LARP1B: variants seen among roughly 807,000 people sequenced by gnomAD.
LARP1B encodes the protein La ribonucleoprotein 1B, also known as la-related protein 1B.
A neutral mutation model predicts 114.2 loss-of-function variants in LARP1B; 76 were observed. The observed-to-expected ratio is 0.67, with a 90% CI of 0.55 to 0.81. The LOEUF is 0.81. Among genes scored for constraint, LARP1B ranks in the 30% least tolerant of loss-of-function variants. LARP1B has a pLI of 0.00. For missense variants in LARP1B, 1,014 were observed against 1,075.8 expected, an observed-to-expected ratio of 0.94 and a Z score of 0.80; for synonymous variants, 345 against 348.0, an observed-to-expected ratio of 0.99 and a Z score of 0.10.
chr4:128,183,911 A>T (rs191637917), intron 15 of LARP1B, among the ~76,000 whole-genome samples: 24 of 152,328 alleles, frequency 1.6e-4, no homozygotes, highest in Admixed American at 1.6e-3. Flanking sequence ...TGGAGGATTT[A>T]ATTACAGATG....
At chr4:128,180,025 C>CT (rs1747805371) in intron 15 of LARP1B, among the ~76,000 whole-genome samples, 1 of 152,008 alleles carries the variant, frequency 6.6e-6, no homozygotes, top group African/African-American at 2.4e-5. Context: ...GAGCAAATCT[C>CT]TTAGAGTGCC....
chr4:128,103,934 G>A (rs531009138), intron 8 of LARP1B, among the ~76,000 whole-genome samples: 4 of 151,298 alleles, frequency 2.6e-5, no homozygotes, highest in Non-Finnish European at 5.9e-5. Flanking sequence ...AGAACTTTGA[G>A]CTTTTCATCC....
At position 128,114,671 on chromosome 4, in the gene LARP1B, T is replaced by C. The variant is rs202157052; in HGVS notation, c.1090T>C (p.Leu364=). 3 of 1,614,100 alleles carry C rather than the reference T, an allele frequency of 1.9e-6. No homozygotes were observed. The highest frequency in any genetic ancestry group is 2.5e-6 in the Non-Finnish European group (3 of 1,179,976). ...QAMSRGLSTS[L]PDLDSEPWIE... is the part of the protein sequence containing the mutation. ...AATGTCTAGAGGTTTGTCTACCAGT[T>C]TGCCTGACTTGGACTCAGAACCTTG... The change falls in exon 10 of 20, where the codon TTG becomes CTG. Residue 364 remains leucine (L), a synonymous_variant. Coordinates refer to ENST00000326639, the MANE Select transcript of LARP1B (RefSeq NM_018078.4).
Position 128,069,666 on chromosome 4 carries a change from A to G in LARP1B, c.-77-4794A>G. 11 of 528,884 alleles carry G rather than the reference A, an allele frequency of 2.1e-5. No individual in the cohort carries two copies. The South Asian group carries it at 2.4e-4, about 11-fold the overall frequency. 32.8% of individuals were successfully genotyped at this position (528,884 alleles called of 1,614,324 possible). A position where few individuals can be genotyped will look rare whatever the true frequency, so the allele number is the denominator to read the frequency against. Reference sequence around the variant, plus strand: ...CAGAAGGGGCACGGATTCTTTTATTAAAATCACAATATGGGTTTATTAATC... The same window carrying G: ...CAGAAGGGGCACGGATTCTTTTATTGAAATCACAATATGGGTTTATTAATC... On this transcript the variant is annotated intron_variant, in intron 1 of 19. Coordinates refer to ENST00000326639, the MANE Select transcript of LARP1B (RefSeq NM_018078.4).
intron 8 of LARP1B, among the ~76,000 whole-genome samples, chr4:128,101,202 G>A (rs1468015520): frequency 4.0e-5 from 6 of 151,676 alleles, no homozygotes; most frequent in East Asian, 3.9e-4. Flanking sequence ...GGCTGGGCGC[G>A]GTGGCTCATG....
In LARP1B at chr4:128,167,005, T is replaced by C. The variant is rs1457201248; in HGVS notation, c.1648+4688T>C. Among the ~76,000 whole-genome samples the C allele has an allele frequency of 4.2e-4, 59 of 140,526 alleles. 1 individual carries two copies. Among genetic ancestry groups the C allele is most frequent in the East Asian group, 1.3e-3 (6 of 4,668 alleles). 92.2% of individuals were successfully genotyped at this position (140,526 alleles called of 152,430 possible). A position where few individuals can be genotyped will look rare whatever the true frequency, so the allele number is the denominator to read the frequency against. ...ATATATATATATATACACACACACA[T>C]ATATATACATATATACATACACACG... On this transcript the variant is annotated intron_variant, in intron 12 of 19. Transcript: ENST00000326639.
Position 128,098,747 on chromosome 4 carries a change from G to GTGTGTGTATATATATATATATATATATA in LARP1B, c.813+418_813+419insGTGTGTATATATATATATATATATATAT. Among the ~76,000 whole-genome samples, 52 of 15,582 alleles carry GTGTGTGTATATATATATATATATATATA rather than the reference G, an allele frequency of 3.3e-3. 9 individuals are homozygous for GTGTGTGTATATATATATATATATATATA. Among genetic ancestry groups the GTGTGTGTATATATATATATATATATATA allele is most frequent in the Non-Finnish European group, 5.7e-3 (44 of 7,730 alleles). 10.2% of individuals were successfully genotyped at this position (15,582 alleles called of 152,430 possible). A position where few individuals can be genotyped will look rare whatever the true frequency, so the allele number is the denominator to read the frequency against. On this transcript the variant is annotated intron_variant, in intron 8 of 19. Transcript: ENST00000326639. Reference sequence around the variant, plus strand: ...AGCATGTGTTCCTGTATATGTATGTGTATATATATATATATATATATTTTT... The same window carrying GTGTGTGTATATATATATATATATATATA: ...AGCATGTGTTCCTGTATATGTATGTGTGTGTGTATATATATATATATATATATATATATATATATATATATATATTTTT...
intron 11 of LARP1B, among the ~76,000 whole-genome samples, chr4:128,160,305 G>A (rs4493552): frequency 0.43 from 66,126 of 152,040 alleles, 15,683 homozygotes; most frequent in East Asian, 0.61. Context: ...AAGAAACCAT[G>A]TGGTGTAATT....
chr4:128,201,441 T>TAAGCACATATCTAAGCAGTTC (rs1238092680), intron 17 of LARP1B, among the ~76,000 whole-genome samples: 2 of 152,232 alleles, frequency 1.3e-5, no homozygotes, highest in African/African-American at 4.8e-5. Context: ...AACCCAGTTC[T>TAAGCACATATCTAAGCAGTTC]TAAGATTCTT....
At chr4:128,175,576 A>G (rs1745506126) in intron 12 of LARP1B, among the ~76,000 whole-genome samples, 1 of 152,178 alleles carries the variant, frequency 6.6e-6, no homozygotes, top group Non-Finnish European at 1.5e-5. Flanking sequence ...CAACCTTTAC[A>G]GACAAGGAAG....
chr4:128,123,457 TC>T, intron 11 of LARP1B: 1 of 850,484 alleles, frequency 1.2e-6, no homozygotes, highest in Non-Finnish European at 1.4e-6. Flanking sequence ...AAATTATCCT[TC>T]CCCCATTCTC....
intron 15 of LARP1B, among the ~76,000 whole-genome samples, chr4:128,189,206 C>T: frequency 6.8e-6 from 1 of 147,382 alleles, no homozygotes; most frequent in Non-Finnish European, 1.5e-5. Context: ...TAAATTGTTA[C>T]AGCCTCTTGC....
At chr4:128,108,516 T>A in intron 9 of LARP1B, 1 of 985,800 alleles carries the variant, frequency 1.0e-6, no homozygotes, top group Non-Finnish European at 1.2e-6. Flanking sequence ...GGACGTCCCA[T>A]CAACAAAGCA....
intron 11 of LARP1B, among the ~76,000 whole-genome samples, chr4:128,132,389 C>A (rs1252010511): frequency 6.6e-6 from 1 of 151,964 alleles, no homozygotes; most frequent in Non-Finnish European, 1.5e-5. Context: ...GGATTACAGG[C>A]ACGCCCCACC....
chr4:128,149,415 G>A (rs1463016022), intron 11 of LARP1B, among the ~76,000 whole-genome samples: 1 of 126,304 alleles, frequency 7.9e-6, no homozygotes, highest in Non-Finnish European at 1.6e-5. Context: ...GGGGAGGACA[G>A]AAGTTGAGTT....
intron 15 of LARP1B, 67 bp downstream of exon 15, chr4:128,179,579 T>G: frequency 1.0e-6 from 1 of 958,270 alleles, no homozygotes; most frequent in Non-Finnish European, 1.6e-6. Context: ...AGTTACTAAT[T>G]GGATATTTCA....
chr4:128,107,605 T>G lies in LARP1B; in HGVS notation c.988+292T>G, dbSNP rs945629238. 2.5e-5 allele frequency: 34 copies of G among 1,385,604 alleles called. No homozygotes were observed. The Admixed American group carries it at 4.8e-4, about 20-fold the overall frequency. 85.8% of individuals were successfully genotyped at this position (1,385,604 alleles called of 1,614,324 possible). A position where few individuals can be genotyped will look rare whatever the true frequency, so the allele number is the denominator to read the frequency against. On this transcript the variant is annotated intron_variant, in intron 9 of 19. Coordinates refer to ENST00000326639, the MANE Select transcript of LARP1B (RefSeq NM_018078.4). ...TATTTTTACTAAATAACTATAGATA[T>G]GTATCGTTTTCCCCTGTAAAATTGG...
chr4:128,201,711 A>G (rs1411894444), intron 17 of LARP1B, among the ~76,000 whole-genome samples: 1 of 152,152 alleles, frequency 6.6e-6, no homozygotes, highest in Non-Finnish European at 1.5e-5. Context: ...ATGTTCATGG[A>G]AAGTCTTGAG....
At chr4:128,186,079 G>A (rs1445861747) in intron 15 of LARP1B, among the ~76,000 whole-genome samples, 1 of 152,036 alleles carries the variant, frequency 6.6e-6, no homozygotes, top group Non-Finnish European at 1.5e-5. Flanking sequence ...GGTTACTATG[G>A]CTTTGTATTA....
Sources: allele counts gnomAD v4.1 joint callset (sites outside exome capture counted in the v4.1 genomes callset), GRCh38; gene constraint gnomAD v4.1.1; transcripts MANE v1.5; gene names NCBI Gene and HGNC (gene_info 2026-07-23, HGNC 2026-07-21).